The following BAZ2B variants were observed in gnomAD, a reference collection of about 807,000 sequenced individuals.
BAZ2B encodes the protein bromodomain adjacent to zinc finger domain 2B, also known as bromodomain adjacent to zinc finger domain protein 2B.
BAZ2B carries 91 observed loss-of-function variants against 246.0 expected under a neutral mutation model. The observed-to-expected ratio is 0.37, with a 90% CI of 0.31 to 0.44. BAZ2B has a LOEUF of 0.44. Ranked by LOEUF, BAZ2B falls within the 20% of genes least tolerant of loss-of-function variation. The pLI is 1.00. For missense variants in BAZ2B, 2,332 were observed against 2,533.7 expected (o/e 0.92, Z 1.71); for synonymous variants, 855 against 860.0 (o/e 0.99, Z 0.10).
At position 159,348,991 on chromosome 2, in the gene BAZ2B, A is replaced by G. The variant is rs1440070941; in HGVS notation, c.5137+16T>C. The G allele has an allele frequency of 6.2e-7, 1 of 1,611,766 alleles. No homozygotes were observed. Among genetic ancestry groups the G allele is most frequent in the South Asian group, 1.1e-5 (1 of 91,004 alleles). ...GAAATTGAGTAAGTGGCTGTAAACCATCTCAATGTACCTACCTTCTGGAAT... is the reference window on the plus strand; with the variant it reads ...GAAATTGAGTAAGTGGCTGTAAACCGTCTCAATGTACCTACCTTCTGGAAT... On this transcript the variant is annotated intron_variant, in intron 29 of 36. Coordinates refer to ENST00000392783, the MANE Select transcript of BAZ2B (RefSeq NM_013450.4).
In BAZ2B at chr2:159,325,849, C is replaced by T; in HGVS notation, c.6013G>A (p.Gly2005Ser). 3 of 1,605,824 alleles carry T rather than the reference C, an allele frequency of 1.9e-6. No homozygotes were observed. Among genetic ancestry groups the T allele is most frequent in the Non-Finnish European group, 2.5e-6 (3 of 1,177,810 alleles). ...TCTCCTGTTAAAGTTACCTTCTTGC[C>T]TTTCTTTGACTCATTAGTCTTTTTT... is the stretch of plus-strand genomic sequence containing the variant. ...KGKKTNESKK[G>S]KKVTLTGDTE... is the part of the protein sequence containing the mutation. Residue 2005 changes from glycine (G) to serine (S), a missense_variant, in exon 35 of 37, where the codon GGC (glycine) becomes AGC (serine). Physicochemically the swap from Gly to Ser is moderately conservative, Grantham distance 56 (BLOSUM62 0). This residue lies in a region of BAZ2B where 210 missense variants were observed against 232.5 expected (regional missense o/e 0.90). Coordinates refer to ENST00000392783, the MANE Select transcript of BAZ2B (RefSeq NM_013450.4).
intron 1 of BAZ2B, among the ~76,000 whole-genome samples, chr2:159,602,360 A>C (rs1256250684): frequency 6.6e-6 from 1 of 152,232 alleles, no homozygotes; most frequent in Non-Finnish European, 1.5e-5. Context: ...ATAGTGGCTC[A>C]CAAGAGTCAA....
At chr2:159,670,346 T>C in the BAZ2B span, among the ~76,000 whole-genome samples, 3 of 152,186 alleles carry the variant, frequency 2.0e-5, no homozygotes, top group African/African-American at 7.2e-5. Flanking sequence ...GCTCATGAAC[T>C]GTACCTCTTT....
chr2:159,675,884 C>T, the BAZ2B span, among the ~76,000 whole-genome samples: 1 of 150,624 alleles, frequency 6.6e-6, no homozygotes, highest in African/African-American at 2.4e-5. Flanking sequence ...GGAATACAGG[C>T]GCACCCCCTA....
chr2:159,465,970 AAC>A (rs2076993516), intron 3 of BAZ2B, among the ~76,000 whole-genome samples: 1 of 152,186 alleles, frequency 6.6e-6, no homozygotes, highest in South Asian at 2.1e-4. Context: ...CTACAACATT[AAC>A]ACATCAACTA....
intron 1 of BAZ2B, among the ~76,000 whole-genome samples, chr2:159,589,423 C>T (rs943499432): frequency 2.0e-5 from 3 of 150,788 alleles, no homozygotes; most frequent in Non-Finnish European, 4.4e-5. Context: ...CAAGAAATAA[C>T]ACAAAATGCC....
chr2:159,681,820 G>A, the BAZ2B span, among the ~76,000 whole-genome samples: 4 of 152,206 alleles, frequency 2.6e-5, no homozygotes, highest in Non-Finnish European at 5.9e-5. Context: ...AGCTACTCGG[G>A]AGGCTGAGGC....
chr2:159,592,533 C>A (rs1447382138), intron 1 of BAZ2B, among the ~76,000 whole-genome samples: 1 of 152,214 alleles, frequency 6.6e-6, no homozygotes, highest in African/African-American at 2.4e-5. Flanking sequence ...TCCTCTTTCA[C>A]AACATTCTCA....
chr2:159,541,105 A>G (rs1357167259), intron 2 of BAZ2B, among the ~76,000 whole-genome samples: 1 of 152,086 alleles, frequency 6.6e-6, no homozygotes, highest in Admixed American at 6.5e-5. Context: ...AGATCCAAAC[A>G]TTCCTGGATT....
chr2:159,633,738 C>CTTTTTTTT, the BAZ2B span, among the ~76,000 whole-genome samples: 6 of 120,252 alleles, frequency 5.0e-5, no homozygotes, highest in Non-Finnish European at 6.7e-5. Context: ...TCACTTTATT[C>CTTTTTTTT]TTTTTTTTTT....
At chr2:159,361,109 A>G (rs1173343667) in intron 27 of BAZ2B, among the ~76,000 whole-genome samples, 3 of 152,198 alleles carry the variant, frequency 2.0e-5, no homozygotes, top group Non-Finnish European at 4.4e-5. Flanking sequence ...ATGGGATCTA[A>G]TTAAACTAAA....
intron 25 of BAZ2B, among the ~76,000 whole-genome samples, chr2:159,379,562 A>C (rs530600028): frequency 2.6e-5 from 4 of 152,348 alleles, no homozygotes; most frequent in African/African-American, 9.6e-5. Flanking sequence ...TTTAAAATAC[A>C]ACATTGGAAA....
chr2:159,661,788 T>G, the BAZ2B span, among the ~76,000 whole-genome samples: 1 of 152,176 alleles, frequency 6.6e-6, no homozygotes. Flanking sequence ...CTTTTTTTTT[T>G]TTAATTGAGA....
intron 2 of BAZ2B, among the ~76,000 whole-genome samples, chr2:159,497,510 A>G (rs1386657849): frequency 6.6e-6 from 1 of 152,186 alleles, no homozygotes; most frequent in Non-Finnish European, 1.5e-5. Context: ...TCTGAAACAG[A>G]TATAACCCAA....
At chr2:159,375,952 T>G (rs1026127541) in intron 25 of BAZ2B, among the ~76,000 whole-genome samples, 1 of 152,186 alleles carries the variant, frequency 6.6e-6, no homozygotes, top group African/African-American at 2.4e-5. Context: ...ATAAAAATAA[T>G]TCCTAACATG....
intron 25 of BAZ2B, among the ~76,000 whole-genome samples, chr2:159,376,137 CT>C (rs1464983405): frequency 1.3e-5 from 2 of 152,100 alleles, no homozygotes; most frequent in Non-Finnish European, 2.9e-5. Context: ...AGGCAAATTA[CT>C]TAACCTTTGT....
chr2:159,534,529 G>T (rs950384690), intron 2 of BAZ2B, among the ~76,000 whole-genome samples: 2 of 152,064 alleles, frequency 1.3e-5, no homozygotes, highest in Non-Finnish European at 2.9e-5. Flanking sequence ...ATAATCTTAT[G>T]GGACAACTGT....
the BAZ2B span, among the ~76,000 whole-genome samples, chr2:159,674,802 T>C: frequency 6.6e-6 from 1 of 151,030 alleles, no homozygotes; most frequent in African/African-American, 2.4e-5. Flanking sequence ...ATAAATAACA[T>C]AGCCATATAG....
chr2:159,623,788 G>A, the BAZ2B span, among the ~76,000 whole-genome samples: 3 of 152,290 alleles, frequency 2.0e-5, no homozygotes, highest in Non-Finnish European at 4.4e-5. Context: ...TATACAGGAA[G>A]TTATTCTTTG....
Sources: gnomAD v4.1 joint callset for allele counts (sites outside exome capture counted in the v4.1 genomes callset) on GRCh38, gnomAD v4.1.1 for gene constraint, gnomAD v4.1.1 regional missense constraint, MANE v1.5 for transcripts, NCBI Gene and HGNC (gene_info 2026-07-23, HGNC 2026-07-21) for gene names.